ATP8B3: variants seen among roughly 807,000 people sequenced by gnomAD.
The protein encoded by ATP8B3 is phospholipid-transporting ATPase IK.
A neutral mutation model predicts 140.9 loss-of-function variants in ATP8B3; 141 were observed. The ratio of observed to expected loss-of-function variants is 1.00; its 90% CI spans 0.87 to 1.15. ATP8B3 has a LOEUF of 1.15. ATP8B3 is among the 50% of genes most tolerant of loss of function. The pLI is 0.00. For missense variants in ATP8B3, 1,874 were observed against 1,740.6 expected (o/e 1.08, Z -1.36); for synonymous variants, 765 against 714.6 (o/e 1.07, Z -1.13).
rs1198489419 is a variant in ATP8B3 at position 1,783,352 on chromosome 19, G to C, written c.3661-82C>G. On this transcript the variant is annotated intron_variant, in intron 28 of 28. Transcript: ENST00000310127. ...TCAGGTCCCCCAAGTAGGAGAGGCA[G>C]GATTCAAAGCCCTTGGCCACTATTG... The C allele has an allele frequency of 8.0e-6, 12 of 1,498,344 alleles. No homozygotes were observed. In the East Asian group the frequency reaches 2.7e-4, roughly 33 times the overall value. 92.8% of individuals were successfully genotyped at this position (1,498,344 alleles called of 1,614,324 possible).
chr19:1,806,639 C>A lies in ATP8B3; in HGVS notation c.666G>T (p.Leu222=). 1 of 1,560,080 alleles carries A rather than the reference C, an allele frequency of 6.4e-7. No individual in the cohort carries two copies. The highest frequency in any genetic ancestry group is 8.7e-7 in the Non-Finnish European group (1 of 1,152,230). ...RAINNRPCQI[L]MGKSFKQKKW... ...AGCCCCAGCCTCACCTCTTCCCCAT[C>A]AGAATCTGGCAGGGTCTGTTGTTGA... is the stretch of plus-strand genomic sequence containing the variant. The change falls in exon 7 of 29, where the codon CTG becomes CTT. Residue 222 remains leucine (L), a synonymous_variant. Coordinates refer to ENST00000310127, the MANE Select transcript of ATP8B3 (RefSeq NM_138813.4). The surrounding 1 kb of genome is among the most constrained non-coding windows in gnomAD (Gnocchi z 5.6).
chr19:1,796,831 G>GGAAGA lies in ATP8B3; in HGVS notation c.1628_1632dup (p.His545SerfsTer32). On this transcript the variant is annotated frameshift_variant, in exon 16 of 29. Transcript: ENST00000310127. LOFTEE classifies it high-confidence loss of function. ...ACGAGGTGCAGCAGGGCCGCATTGT[G>GGAAGA]GAAGAGCAGCTTCCCGTCGGCGAAC... 6.2e-7 allele frequency: 1 copy of GGAAGA among 1,612,604 alleles called. No homozygotes were observed. Among genetic ancestry groups the GGAAGA allele is most frequent in the Non-Finnish European group, 8.5e-7 (1 of 1,179,570 alleles).
intron 16 of ATP8B3, 116 bp downstream of exon 16, chr19:1,796,595 G>A (rs1420668920): frequency 1.5e-5 from 20 of 1,341,422 alleles, no homozygotes; most frequent in African/African-American, 2.9e-5. Flanking sequence ...CGGCCTCAGC[G>A]CCCCCCAAGC....
intron 2 of ATP8B3, 31 bp from the exon 3 acceptor site, chr19:1,810,714 A>G (rs747557897): frequency 1.9e-6 from 3 of 1,600,818 alleles, no homozygotes; most frequent in Non-Finnish European, 2.6e-6. Context: ...GGGTCACAGC[A>G]GTGACCCCAG....
chr19:1,806,173 C>A lies in ATP8B3; in HGVS notation c.678-4G>T. 1 of 1,586,938 alleles carries A rather than the reference C, an allele frequency of 6.3e-7. No homozygotes were observed. Among genetic ancestry groups the A allele is most frequent in the Non-Finnish European group, 8.6e-7 (1 of 1,167,286 alleles). ...CTGCCATTTCTTCTGCTTGAAGCTGCGGGGAGAGGGGGTTGTGAAGGAGGC... is the reference window on the plus strand; with the variant it reads ...CTGCCATTTCTTCTGCTTGAAGCTGAGGGGAGAGGGGGTTGTGAAGGAGGC... On this transcript the variant is annotated splice_region_variant and splice_polypyrimidine_tract_variant and intron_variant, in intron 7 of 28. Coordinates refer to ENST00000310127, the MANE Select transcript of ATP8B3 (RefSeq NM_138813.4). The surrounding 1 kb of genome is among the most constrained non-coding windows in gnomAD (Gnocchi z 5.6).
intron 25 of ATP8B3, among the ~76,000 whole-genome samples, chr19:1,786,211 T>A (rs2068300093): frequency 6.6e-6 from 1 of 152,112 alleles, no homozygotes; most frequent in African/African-American, 2.4e-5. Flanking sequence ...GATGCTGGGC[T>A]GTGCGCATGA....
At chr19:1,810,542 G>C in intron 3 of ATP8B3, 80 bp downstream of exon 3, 1 of 1,413,380 alleles carries the variant, frequency 7.1e-7, no homozygotes, top group Non-Finnish European at 9.6e-7. Flanking sequence ...GGGATTACAG[G>C]GGAGAGCCAC....
chr19:1,795,022 C>T (rs1385817879), intron 18 of ATP8B3, among the ~76,000 whole-genome samples: 1 of 151,830 alleles, frequency 6.6e-6, no homozygotes, highest in Non-Finnish European at 1.5e-5. Context: ...TTTGAGAGGG[C>T]GAGGCGGGTG....
chr19:1,783,211 A>G lies in ATP8B3; in HGVS notation c.3720T>C (p.His1240=), dbSNP rs777749395. ...EEIFTMEPLP[H]VHRESRARRS... is the part of the protein sequence containing the mutation. ...GGCGGGCACGAGACTCCCGGTGTAC[A>G]TGAGGCAAGGGCTCCATGGTGAAAA... Residue 1240 remains histidine (H), a synonymous_variant, in exon 29 of 29, where the codon CAT becomes CAC. Transcript: ENST00000310127. The G allele has an allele frequency of 1.9e-6, 3 of 1,612,574 alleles. No individual in the cohort carries two copies. The highest frequency in any genetic ancestry group is 2.5e-6 in the Non-Finnish European group (3 of 1,179,338).
intron 24 of ATP8B3, among the ~76,000 whole-genome samples, chr19:1,787,981 G>T (rs2068362172): frequency 6.6e-6 from 1 of 152,134 alleles, no homozygotes; most frequent in Non-Finnish European, 1.5e-5. Flanking sequence ...GGCAGAGGTT[G>T]CAGTGAGCCA....
At position 1,800,240 on chromosome 19, in the gene ATP8B3, G is replaced by A. The variant is rs747844755; in HGVS notation, c.1343+19C>T. 1.7e-5 allele frequency: 27 copies of A among 1,607,474 alleles called. No homozygotes were observed. Among genetic ancestry groups the A allele is most frequent in the South Asian group, 2.2e-5 (2 of 90,946 alleles). On this transcript the variant is annotated intron_variant, in intron 13 of 28. Transcript: ENST00000310127. This position sits in a 1 kb window ranked among gnomAD's most constrained non-coding sequence, Gnocchi z 4.4. ...CCCGTTCCGCGTTTGCACCGGGGAC[G>A]CAGCCGGCGGAGACTCACAGGATGA...
Position 1,808,283 on chromosome 19 carries a change from T to C in ATP8B3, c.455A>G (p.Asn152Ser). Residue 152 changes from asparagine (N) to serine (S), a missense_variant, in exon 5 of 29, where the codon AAC becomes AGC. This residue lies in a region of ATP8B3 where 1,032 missense variants were observed against 963.6 expected (regional missense o/e 1.07). Coordinates refer to ENST00000310127, the MANE Select transcript of ATP8B3 (RefSeq NM_138813.4). The part of the protein sequence containing the change: ...KYNFYSFLPL[N>S]LYEQFHRVSN... ...CACGCGGTGGAACTGCTCGTACAGG[T>C]TCAGCGGCAGGAACGAGTAGAAGTT... 1.2e-6 allele frequency: 2 copies of C among 1,613,144 alleles called. No homozygotes were observed. Among genetic ancestry groups the C allele is most frequent in the Non-Finnish European group, 1.7e-6 (2 of 1,179,606 alleles).
At chr19:1,802,406 T>TTGGC in intron 11 of ATP8B3, 81 bp downstream of exon 11, 2 of 421,058 alleles carry the variant, frequency 4.7e-6, no homozygotes, top group Non-Finnish European at 8.8e-6. Flanking sequence ...TCCACCCACC[T>TTGGC]ACCCACCCAC....
chr19:1,801,821 T>G (rs2068852900), intron 12 of ATP8B3, 135 bp downstream of exon 12: 1 of 442,186 alleles, frequency 2.3e-6, no homozygotes, highest in Non-Finnish European at 4.0e-6. Context: ...AATGAAAAAT[T>G]TTCTGGCCCA....
At position 1,789,123 on chromosome 19, in the gene ATP8B3, G is replaced by T; in HGVS notation, c.2846-3C>A. 2 of 1,573,780 alleles carry T rather than the reference G, an allele frequency of 1.3e-6. No individual in the cohort carries two copies. Among genetic ancestry groups the T allele is most frequent in the Non-Finnish European group, 8.6e-7 (1 of 1,166,306 alleles). On this transcript the variant is annotated splice_region_variant and splice_polypyrimidine_tract_variant and intron_variant, in intron 23 of 28. Coordinates refer to ENST00000310127, the MANE Select transcript of ATP8B3 (RefSeq NM_138813.4). Reference sequence around the variant, plus strand: ...CAGCCCCACGCCCACGTCCGCGGCTGCAGGGCACAAGCAGCTGGTCAGCCC... The same window carrying T: ...CAGCCCCACGCCCACGTCCGCGGCTTCAGGGCACAAGCAGCTGGTCAGCCC...
chr19:1,795,186 C>T (rs1428347604), intron 18 of ATP8B3, among the ~76,000 whole-genome samples: 3 of 152,106 alleles, frequency 2.0e-5, no homozygotes, highest in Non-Finnish European at 2.9e-5. Context: ...GCCTGGGAGG[C>T]AGAGGTTGCA....
At chr19:1,791,729 C>G (rs2068515888) in intron 20 of ATP8B3, 21 bp downstream of exon 20, 1 of 1,588,480 alleles carries the variant, frequency 6.3e-7, no homozygotes, top group Non-Finnish European at 8.6e-7. Flanking sequence ...GCTTAGCCAC[C>G]CGGAGCTGCC....
intron 2 of ATP8B3, 61 bp from the exon 3 acceptor site, chr19:1,810,744 G>A (rs539960481): frequency 1.1e-5 from 17 of 1,512,496 alleles, no homozygotes; most frequent in East Asian, 2.3e-5. Flanking sequence ...GGCACCACTC[G>A]GTCTTCAAGG....
In ATP8B3 at chr19:1,783,977, G is replaced by A. The variant is rs190188730; in HGVS notation, c.3661-707C>T. 4.7e-4 allele frequency among the ~76,000 whole-genome samples: 71 copies of A among 152,266 alleles called. 1 individual carries two copies. The highest frequency in any genetic ancestry group is 4.9e-4 in the Non-Finnish European group (33 of 68,028). On this transcript the variant is annotated intron_variant, in intron 28 of 28. Coordinates refer to ENST00000310127, the MANE Select transcript of ATP8B3 (RefSeq NM_138813.4). ...AGCCTCTCAAAGTGCTGGGATTACAGGTGTGAACCGCTGCGCCTGGCCTTG... is the reference window on the plus strand; with the variant it reads ...AGCCTCTCAAAGTGCTGGGATTACAAGTGTGAACCGCTGCGCCTGGCCTTG...
Sources: gnomAD v4.1 joint callset for allele counts (sites outside exome capture counted in the v4.1 genomes callset) on GRCh38, gnomAD v4.1.1 for gene constraint, gnomAD v4.1.1 regional missense constraint, Gnocchi (gnomAD v3.1) non-coding constraint, MANE v1.5 for transcripts, NCBI Gene and HGNC (gene_info 2026-07-23, HGNC 2026-07-21) for gene names.